IMPG1: variants seen among roughly 807,000 people sequenced by gnomAD.
IMPG1 encodes interphotoreceptor matrix proteoglycan of 150 kDa.
A neutral mutation model predicts 92.0 loss-of-function variants in IMPG1; 85 were observed. The observed-to-expected ratio is 0.92, with a 90% CI of 0.78 to 1.11. The LOEUF is 1.11. IMPG1 is among the 50% of genes least tolerant of loss of function. The pLI, the probability that IMPG1 is intolerant of heterozygous loss-of-function variation, is 0.00. For synonymous variants in IMPG1, 367 were observed against 334.1 expected (o/e 1.10, Z -1.08); for missense variants, 1,022 against 956.0 (o/e 1.07, Z -0.91).
In IMPG1 at chr6:76,072,614, GT is replaced by G. The variant is rs1784419828; in HGVS notation, c.-127del. The G allele has an allele frequency of 1.7e-6, 1 of 586,460 alleles. No homozygotes were observed. Among genetic ancestry groups the G allele is most frequent in the Non-Finnish European group, 3.0e-6 (1 of 338,206 alleles). The allele number at this position is 586,460 out of a possible 1,614,324, so 36.3% of individuals were successfully genotyped here. A position where few individuals can be genotyped will look rare whatever the true frequency, so the allele number is the denominator to read the frequency against. ...CAGATGATTGAGGATAACCTTCTTG[GT>G]TTACCTTTATGAGGGTGTTAATTTA... On this transcript the variant is annotated 5_prime_UTR_variant, in exon 1 of 17. Coordinates refer to ENST00000369950, the MANE Select transcript of IMPG1 (RefSeq NM_001563.4).
intron 14 of IMPG1, among the ~76,000 whole-genome samples, chr6:75,946,583 A>G (rs1781932740): frequency 6.6e-6 from 1 of 152,178 alleles, no homozygotes; most frequent in Admixed American, 6.5e-5. Flanking sequence ...ACAGTTCCCA[A>G]TTTGGTCACA....
At chr6:76,062,749 C>T (rs1784227403) in intron 1 of IMPG1, among the ~76,000 whole-genome samples, 1 of 151,874 alleles carries the variant, frequency 6.6e-6, no homozygotes, top group Non-Finnish European at 1.5e-5. Flanking sequence ...TGAGGTAAAA[C>T]TTTAATTAAT....
intron 1 of IMPG1, among the ~76,000 whole-genome samples, chr6:76,062,942 G>A (rs977881724): frequency 7.9e-5 from 12 of 150,992 alleles, no homozygotes; most frequent in East Asian, 3.9e-4. Context: ...GGTGGCTCAC[G>A]CCTGTAATCC....
At chr6:75,958,696 G>A (rs1324956853) in intron 12 of IMPG1, among the ~76,000 whole-genome samples, 2 of 151,938 alleles carry the variant, frequency 1.3e-5, no homozygotes, top group Non-Finnish European at 2.9e-5. Flanking sequence ...GCCTCACGAA[G>A]TTCTCGTGCT....
chr6:75,991,306 G>A (rs897839277), intron 12 of IMPG1, among the ~76,000 whole-genome samples: 2 of 151,828 alleles, frequency 1.3e-5, no homozygotes, highest in Non-Finnish European at 2.9e-5. Context: ...CAAGAGAATC[G>A]CTTGAACCCG....
intron 6 of IMPG1, among the ~76,000 whole-genome samples, chr6:76,020,540 AG>A (rs1434964442): frequency 6.6e-6 from 1 of 152,046 alleles, no homozygotes; most frequent in Non-Finnish European, 1.5e-5. Flanking sequence ...GTTGTAATGA[AG>A]GGGAAAGGGT....
At chr6:75,930,606 T>C (rs532187767) in intron 15 of IMPG1, among the ~76,000 whole-genome samples, 2 of 152,312 alleles carry the variant, frequency 1.3e-5, no homozygotes, top group South Asian at 2.1e-4. Context: ...ATTAAGGTAG[T>C]AGACCAAGTA....
At chr6:75,931,769 C>A (rs1410094382) in intron 14 of IMPG1, among the ~76,000 whole-genome samples, 2 of 152,184 alleles carry the variant, frequency 1.3e-5, no homozygotes, top group East Asian at 3.8e-4. Flanking sequence ...TCACTTCTTT[C>A]TTGTCATTAA....
chr6:76,066,406 G>A (rs932051846), intron 1 of IMPG1, among the ~76,000 whole-genome samples: 3 of 152,044 alleles, frequency 2.0e-5, no homozygotes, highest in African/African-American at 7.2e-5. Flanking sequence ...GTGGGAAGGA[G>A]TAGCTATAGT....
At chr6:75,941,652 G>A (rs996874972) in intron 14 of IMPG1, among the ~76,000 whole-genome samples, 2 of 152,156 alleles carry the variant, frequency 1.3e-5, no homozygotes, top group African/African-American at 2.4e-5. Flanking sequence ...TGGTCCAGAC[G>A]TTTTACAACT....
intron 12 of IMPG1, among the ~76,000 whole-genome samples, chr6:75,961,524 G>A (rs1009940062): frequency 2.6e-4 from 40 of 152,106 alleles, no homozygotes; most frequent in African/African-American, 9.6e-4. Flanking sequence ...AGTGGTGGAA[G>A]ACAAAAAACA....
intron 1 of IMPG1, among the ~76,000 whole-genome samples, chr6:76,050,118 G>A (rs949461165): frequency 6.6e-6 from 1 of 152,074 alleles, no homozygotes; most frequent in East Asian, 1.9e-4. Flanking sequence ...TGAAATACTG[G>A]GCTTTTGACT....
intron 12 of IMPG1, among the ~76,000 whole-genome samples, chr6:75,974,390 T>TC (rs1400529715): frequency 0.013 from 1,458 of 113,472 alleles, 60 homozygotes; most frequent in East Asian, 0.04. Flanking sequence ...TTTCTTTCTT[T>TC]CTTTTCTTTC....
intron 1 of IMPG1, among the ~76,000 whole-genome samples, chr6:76,066,470 G>C (rs944940123): frequency 9.9e-5 from 15 of 151,924 alleles, no homozygotes; most frequent in African/African-American, 3.4e-4. Flanking sequence ...GACAAAGCAG[G>C]TCATTATATA....
chr6:75,947,376 C>T lies in IMPG1; in HGVS notation c.1982G>A (p.Arg661His), dbSNP rs200128845. The T allele has an allele frequency of 9.9e-6, 16 of 1,613,838 alleles. No individual in the cohort carries two copies. Among genetic ancestry groups the T allele is most frequent in the African/African-American group, 5.3e-5 (4 of 74,892 alleles). ...KAVHGVLEDF[R>H]SAAAQQLHLE... is the part of the protein sequence containing the mutation. ...ATGGAGTTGTTGGGCTGCAGCAGAA[C>T]GAAAATCCTCCAAGACCCCGTGCAC... is the stretch of plus-strand genomic sequence containing the variant. Residue 661 changes from arginine to histidine, a missense_variant, in exon 14 of 17, where the codon CGT becomes CAT. Coordinates refer to ENST00000369950, the MANE Select transcript of IMPG1 (RefSeq NM_001563.4).
At chr6:75,982,772 T>C (rs887735919) in intron 12 of IMPG1, among the ~76,000 whole-genome samples, 4 of 152,100 alleles carry the variant, frequency 2.6e-5, no homozygotes, top group Admixed American at 2.0e-4. Flanking sequence ...AAATGTTACA[T>C]TGAGGAGGTT....
At chr6:76,043,596 G>A (rs997053756) in intron 1 of IMPG1, among the ~76,000 whole-genome samples, 4 of 152,132 alleles carry the variant, frequency 2.6e-5, no homozygotes, top group East Asian at 1.9e-4. Flanking sequence ...TAATCTCTGT[G>A]TAGAATACGG....
intron 9 of IMPG1, 56 bp from the exon 10 acceptor site, chr6:76,005,590 A>G: frequency 5.1e-6 from 8 of 1,574,852 alleles, no homozygotes; most frequent in South Asian, 1.2e-5. Context: ...ATGCCTTGCA[A>G]AGAGAATCAC....
Position 76,005,766 on chromosome 6 carries a change from A to G in IMPG1, c.888-232T>C, listed in dbSNP as rs1783085318. Among the ~76,000 whole-genome samples, 6 of 152,178 alleles carry G rather than the reference A, an allele frequency of 3.9e-5. No homozygotes were observed. The South Asian group carries it at 1.2e-3, about 32-fold the overall frequency. On this transcript the variant is annotated intron_variant, in intron 9 of 16. Transcript: ENST00000369950. ...AGAATGGCAGGAGGGAGGTCAGTCC[A>G]CCTCAAAGAAGGATTACTAACTGAA...
Sources: allele counts gnomAD v4.1 joint callset (sites outside exome capture counted in the v4.1 genomes callset), GRCh38; gene constraint gnomAD v4.1.1; transcripts MANE v1.5; gene names NCBI Gene and HGNC (gene_info 2026-07-23, HGNC 2026-07-21).